Variants in B9D1 observed in about 807,000 individuals in gnomAD.
B9D1 encodes the protein B9 domain-containing protein 1.
B9D1 carries 20 observed loss-of-function variants against 26.1 expected under a neutral mutation model. The ratio of observed to expected loss-of-function variants is 0.77; its 90% CI spans 0.54 to 1.12. The LOEUF is 1.12. B9D1 is among the 50% of genes most tolerant of loss of function. The pLI is 0.00. For synonymous variants in B9D1, 105 were observed against 103.1 expected, an observed-to-expected ratio of 1.02 and a Z score of -0.11; for missense variants, 260 against 273.7, an observed-to-expected ratio of 0.95 and a Z score of 0.35.
Position 19,358,246 on chromosome 17 carries a change from C to G in B9D1, c.133-295G>C, listed in dbSNP as rs75010777. ...GAATGGTCCAGCATGCTTACACTCTCCTGCATCCCCACCCTCACCTGAGTA... is the reference window on the plus strand; with the variant it reads ...GAATGGTCCAGCATGCTTACACTCTGCTGCATCCCCACCCTCACCTGAGTA... On this transcript the variant is annotated intron_variant, in intron 2 of 6. Coordinates refer to ENST00000261499, the MANE Select transcript of B9D1 (RefSeq NM_015681.6). 2.9e-4 allele frequency among the ~76,000 whole-genome samples: 44 copies of G among 152,318 alleles called. No homozygotes were observed. In the East Asian group the frequency reaches 8.3e-3, roughly 29 times the overall value.
At position 19,347,446 on chromosome 17, in the gene B9D1, C is replaced by A; in HGVS notation, c.342-115G>T. ...AGCTGCAGCGTGGGCCAAGTCAGGGCCAATGTCAACGAATCCAACCTGTGC... is the reference window on the plus strand; with the variant it reads ...AGCTGCAGCGTGGGCCAAGTCAGGGACAATGTCAACGAATCCAACCTGTGC... On this transcript the variant is annotated intron_variant, in intron 4 of 6. Coordinates refer to ENST00000261499, the MANE Select transcript of B9D1 (RefSeq NM_015681.6). This position sits in a 1 kb window ranked among gnomAD's most constrained non-coding sequence, Gnocchi z 4.3. 8.0e-7 allele frequency: 1 copy of A among 1,254,172 alleles called. No individual in the cohort carries two copies. Among genetic ancestry groups the A allele is most frequent in the Non-Finnish European group, 1.2e-6 (1 of 868,474 alleles). 77.7% of individuals were successfully genotyped at this position (1,254,172 alleles called of 1,614,324 possible).
chr17:19,345,818 G>T (rs1908696121), intron 5 of B9D1, among the ~76,000 whole-genome samples: 2 of 152,304 alleles, frequency 1.3e-5, no homozygotes, highest in Admixed American at 1.3e-4. Flanking sequence ...GCTGGAGGAT[G>T]TGGGGAGAGG....
intron 1 of B9D1, among the ~76,000 whole-genome samples, chr17:19,368,017 C>T (rs1339836266): frequency 6.6e-6 from 1 of 152,190 alleles, no homozygotes; most frequent in Non-Finnish European, 1.5e-5. Flanking sequence ...GCTGGGCCCT[C>T]GGGTTCCAGC....
At chr17:19,375,962 T>C (rs1251493163) in intron 1 of B9D1, among the ~76,000 whole-genome samples, 1 of 152,216 alleles carries the variant, frequency 6.6e-6, no homozygotes, top group East Asian at 1.9e-4. Context: ...ATTATCATAA[T>C]AGCCAAAAAG....
At chr17:19,374,167 G>A (rs536734795) in intron 1 of B9D1, among the ~76,000 whole-genome samples, 10 of 152,328 alleles carry the variant, frequency 6.6e-5, no homozygotes, top group Non-Finnish European at 1.3e-4. Flanking sequence ...TTAATAAGAT[G>A]TAGAAAACAG....
rs1421362431 is a variant in B9D1, at chr17:19,347,023, T to C, written c.404+246A>G. 6.5e-7 allele frequency: 1 copy of C among 1,544,398 alleles called. No homozygotes were observed. Among genetic ancestry groups the C allele is most frequent in the Admixed American group, 2.0e-5 (1 of 50,496 alleles). On this transcript the variant is annotated intron_variant, in intron 5 of 6. Transcript: ENST00000261499. This position sits in a 1 kb window ranked among gnomAD's most constrained non-coding sequence, Gnocchi z 4.3. ...TCCCATCTGACAAGAGTTTTTCCTC[T>C]GCTCCCTCAGACACAAAGATTTTTC... is the stretch of plus-strand genomic sequence containing the variant.
chr17:19,342,992 G>A (rs1908150185), downstream of B9D1: 1 of 912,324 alleles, frequency 1.1e-6, no homozygotes, highest in Admixed American at 3.9e-5. Flanking sequence ...GGCAGAACCT[G>A]GTTATGTCAA....
chr17:19,350,590 G>A lies in B9D1; in HGVS notation c.245-2710C>T, dbSNP rs559097397. 2.8e-4 allele frequency among the ~76,000 whole-genome samples: 43 copies of A among 151,628 alleles called. No homozygotes were observed. The East Asian group carries it at 7.1e-3, about 25-fold the overall frequency. ...ACAAAAATTAGCCGGGCATGGTGGT[G>A]CATGCCTGTAATCCCAGCTACTTGG... On this transcript the variant is annotated intron_variant, in intron 3 of 6. Coordinates refer to ENST00000261499, the MANE Select transcript of B9D1 (RefSeq NM_015681.6).
downstream of B9D1, chr17:19,341,278 G>A: frequency 8.1e-7 from 1 of 1,231,954 alleles, no homozygotes; most frequent in African/African-American, 1.5e-5. Context: ...TGCCCTGGGT[G>A]AGGTGAGGCC....
At chr17:19,344,334 A>G (rs1908422274) in intron 5 of B9D1, among the ~76,000 whole-genome samples, 1 of 152,198 alleles carries the variant, frequency 6.6e-6, no homozygotes, top group African/African-American at 2.4e-5. Context: ...ACGGCTCCTC[A>G]GCCTTACCTC....
intron 5 of B9D1, among the ~76,000 whole-genome samples, chr17:19,345,877 T>G (rs1165092089): frequency 6.6e-6 from 1 of 152,192 alleles, no homozygotes; most frequent in East Asian, 1.9e-4. Flanking sequence ...GCAAGGAGCC[T>G]CCATATCTGG....
Position 19,343,244 on chromosome 17 carries a change from C to T in B9D1, c.*75G>A. On this transcript the variant is annotated 3_prime_UTR_variant, in exon 7 of 7. Transcript: ENST00000261499. ...CCCAGCTCTGGCCACCAGGCTGCCC[C>T]TCAGGCCGATGGGCAGCGGCTGACT... 6.2e-7 allele frequency: 1 copy of T among 1,609,092 alleles called. No homozygotes were observed.
chr17:19,345,609 CAG>C (rs1373931966), intron 5 of B9D1, among the ~76,000 whole-genome samples: 2 of 152,344 alleles, frequency 1.3e-5, no homozygotes, highest in South Asian at 2.1e-4. Context: ...GGGCAATAAA[CAG>C]AGTCTCCCCT....
chr17:19,364,317 T>C (rs538155770), upstream of B9D1: 1 of 152,124 alleles, frequency 6.6e-6, no homozygotes, highest in African/African-American at 2.4e-5. This position sits in a 1 kb window ranked among gnomAD's most constrained non-coding sequence, Gnocchi z 4.3. Flanking sequence ...GACTCCAGGA[T>C]AGGATGGGAG....
chr17:19,365,575 A>G (rs1458810509), upstream of B9D1, among the ~76,000 whole-genome samples: 1 of 152,176 alleles, frequency 6.6e-6, no homozygotes, highest in African/African-American at 2.4e-5. The surrounding 1 kb of genome is among the most constrained non-coding windows in gnomAD (Gnocchi z 5.0). Context: ...CCTGCACCTC[A>G]GGAGACTGAA....
At chr17:19,357,796 T>G in intron 3 of B9D1, 44 bp downstream of exon 3, 1 of 1,441,096 alleles carries the variant, frequency 6.9e-7, no homozygotes, top group Middle Eastern at 2.2e-4. Flanking sequence ...GGGTGCTGTG[T>G]GAAAGCTCTG....
chr17:19,339,380 C>A (rs890211460), downstream of B9D1, among the ~76,000 whole-genome samples: 2 of 152,166 alleles, frequency 1.3e-5, no homozygotes, highest in African/African-American at 2.4e-5. Context: ...GGGCACATAA[C>A]CTGCCTCCCA....
upstream of B9D1, among the ~76,000 whole-genome samples, chr17:19,365,779 C>A (rs910052083): frequency 6.6e-6 from 1 of 152,150 alleles, no homozygotes; most frequent in Admixed American, 6.5e-5. The surrounding 1 kb of genome is among the most constrained non-coding windows in gnomAD (Gnocchi z 5.0). Flanking sequence ...CCTCATCACA[C>A]CCAGGGGGTT....
chr17:19,362,938 G>A, upstream of B9D1: 1 of 375,202 alleles, frequency 2.7e-6, no homozygotes, highest in South Asian at 2.1e-5. Flanking sequence ...CCCCGCCGAA[G>A]CGCAGAGGCG....
Sources: gnomAD v4.1 joint callset for allele counts (sites outside exome capture counted in the v4.1 genomes callset) on GRCh38, gnomAD v4.1.1 for gene constraint, Gnocchi (gnomAD v3.1) non-coding constraint, MANE v1.5 for transcripts, NCBI Gene and HGNC (gene_info 2026-07-23, HGNC 2026-07-21) for gene names.